The following DDAH1 variants were observed in gnomAD, a reference collection of about 807,000 sequenced individuals.
DDAH1 encodes the protein dimethylarginine dimethylaminohydrolase 1, also known as N(G),N(G)-dimethylarginine dimethylaminohydrolase 1.
DDAH1 carries 19 observed loss-of-function variants against 28.8 expected under a neutral mutation model. The ratio of observed to expected loss-of-function variants is 0.66; its 90% CI spans 0.46 to 0.97. The LOEUF (loss-of-function observed/expected upper bound fraction) is 0.97, where lower values mean the gene tolerates loss of function less well. DDAH1 is among the 50% of genes least tolerant of loss of function. The pLI is 0.00. For missense variants in DDAH1, 326 were observed against 375.9 expected (o/e 0.87, Z 1.10); for synonymous variants, 153 against 154.4 (o/e 0.99, Z 0.07).
intron 1 of DDAH1, among the ~76,000 whole-genome samples, chr1:85,453,797 C>T (rs1381187093): frequency 1.3e-5 from 2 of 152,172 alleles, no homozygotes; most frequent in African/African-American, 2.4e-5. Context: ...TTCCACTTAT[C>T]TAGTGTTGCA....
intron 1 of DDAH1, among the ~76,000 whole-genome samples, chr1:85,372,268 T>C (rs1650423220): frequency 6.6e-6 from 1 of 152,190 alleles, no homozygotes; most frequent in South Asian, 2.1e-4. Context: ...TGGATGCTTA[T>C]AAATATTAAG....
chr1:85,471,768 G>A (rs973620084), intron 2 of DDAH1, among the ~76,000 whole-genome samples: 2 of 152,120 alleles, frequency 1.3e-5, no homozygotes, highest in Non-Finnish European at 2.9e-5. Context: ...ACAGTGATAG[G>A]GACACTGCAA....
chr1:85,474,468 T>C (rs920891457), intron 2 of DDAH1, among the ~76,000 whole-genome samples: 2 of 152,160 alleles, frequency 1.3e-5, no homozygotes, highest in Non-Finnish European at 2.9e-5. Context: ...CTTCTGTGCA[T>C]GGTTTCCCAT....
At chr1:85,357,342 C>G (rs1197784775) in intron 2 of DDAH1, among the ~76,000 whole-genome samples, 1 of 152,170 alleles carries the variant, frequency 6.6e-6, no homozygotes, top group Non-Finnish European at 1.5e-5. Context: ...CCAGGGCATA[C>G]TATTCACACA....
chr1:85,342,297 CA>C (rs1648541733), intron 4 of DDAH1, among the ~76,000 whole-genome samples: 1 of 152,018 alleles, frequency 6.6e-6, no homozygotes, highest in African/African-American at 2.4e-5. Flanking sequence ...TCTCTAATAT[CA>C]GTAATAGTGT....
intron 1 of DDAH1, among the ~76,000 whole-genome samples, chr1:85,437,052 G>C (rs1205918272): frequency 6.6e-6 from 1 of 152,154 alleles, no homozygotes; most frequent in Non-Finnish European, 1.5e-5. Context: ...TGATGGAAGT[G>C]ATGCTGAGTG....
chr1:85,565,151 G>A (rs1056491104), intron 1 of DDAH1, among the ~76,000 whole-genome samples: 1 of 152,060 alleles, frequency 6.6e-6, no homozygotes, highest in African/African-American at 2.4e-5. Context: ...GCAGTGAGCC[G>A]AGATTGTGCC....
chr1:85,354,104 T>C (rs572276465), intron 2 of DDAH1, among the ~76,000 whole-genome samples: 3 of 152,152 alleles, frequency 2.0e-5, no homozygotes, highest in Non-Finnish European at 4.4e-5. Context: ...AATGGACATC[T>C]AAATTTTTTT....
At chr1:85,402,908 C>CAA (rs11358089) in intron 1 of DDAH1, among the ~76,000 whole-genome samples, 1 of 113,508 alleles carries the variant, frequency 8.8e-6, no homozygotes. Context: ...GACTCCATCT[C>CAA]AAAAAAAAAA....
intron 1 of DDAH1, among the ~76,000 whole-genome samples, chr1:85,577,714 C>T (rs1021699672): frequency 2.0e-5 from 3 of 152,050 alleles, no homozygotes; most frequent in African/African-American, 7.2e-5. Context: ...GCCAGATTTA[C>T]CGTTATTATT....
intron 1 of DDAH1, among the ~76,000 whole-genome samples, chr1:85,373,011 A>C (rs1650466368): frequency 6.6e-6 from 1 of 152,118 alleles, no homozygotes; most frequent in African/African-American, 2.4e-5. Flanking sequence ...ATAGTTAGTA[A>C]AATTTTTCTG....
intron 1 of DDAH1, among the ~76,000 whole-genome samples, chr1:85,373,005 T>C (rs1184228420): frequency 1.3e-5 from 2 of 152,098 alleles, no homozygotes; most frequent in Admixed American, 6.6e-5. Context: ...GTGGGTATAG[T>C]TAGTAAAATT....
chr1:85,357,260 T>C (rs1031343673), intron 2 of DDAH1, among the ~76,000 whole-genome samples: 7 of 152,090 alleles, frequency 4.6e-5, no homozygotes, highest in African/African-American at 1.7e-4. Context: ...TAGGGTTCAA[T>C]GGGCATGCAA....
chr1:85,421,490 A>G (rs909253737), intron 1 of DDAH1, among the ~76,000 whole-genome samples: 4 of 151,792 alleles, frequency 2.6e-5, no homozygotes, highest in Non-Finnish European at 4.4e-5. Context: ...GCATACATTG[A>G]GGTTTATTCT....
intron 1 of DDAH1, among the ~76,000 whole-genome samples, chr1:85,463,767 G>T (rs1018690371): frequency 2.0e-5 from 3 of 152,138 alleles, no homozygotes; most frequent in Non-Finnish European, 2.9e-5. Flanking sequence ...AGAAATGAAA[G>T]AAACCACTAG....
intron 4 of DDAH1, among the ~76,000 whole-genome samples, chr1:85,349,769 C>T (rs1425805084): frequency 1.3e-5 from 2 of 152,136 alleles, no homozygotes; most frequent in African/African-American, 4.8e-5. Flanking sequence ...GTTGAAGTTA[C>T]AGAGAAGGAA....
chr1:85,553,677 A>C (rs538180826), intron 1 of DDAH1, among the ~76,000 whole-genome samples: 17 of 152,234 alleles, frequency 1.1e-4, no homozygotes, highest in Admixed American at 3.9e-4. Flanking sequence ...CATTTCTGAT[A>C]GACAGTACAG....
intron 1 of DDAH1, among the ~76,000 whole-genome samples, chr1:85,400,772 G>T (rs1313328521): frequency 6.6e-6 from 1 of 152,120 alleles, no homozygotes; most frequent in Non-Finnish European, 1.5e-5. Flanking sequence ...CTGGTGGTTA[G>T]AAAGCTTTCA....
intron 1 of DDAH1, among the ~76,000 whole-genome samples, chr1:85,434,422 GTT>G (rs34431273): frequency 6.8e-6 from 1 of 147,166 alleles, no homozygotes; most frequent in African/African-American, 2.5e-5. Context: ...TGTGTGTTTT[GTT>G]TTTTTTTTGA....
Sources: allele counts gnomAD v4.1 joint callset (sites outside exome capture counted in the v4.1 genomes callset), GRCh38; gene constraint gnomAD v4.1.1; transcripts MANE v1.5; gene names NCBI Gene and HGNC (gene_info 2026-07-23, HGNC 2026-07-21).